The following FARP1 variants were observed in gnomAD, a reference collection of about 807,000 sequenced individuals.
FARP1 encodes the protein FERM, ARHGEF and pleckstrin domain-containing protein 1.
A neutral mutation model predicts 128.8 loss-of-function variants in FARP1; 52 were observed. That is an observed-to-expected ratio of 0.40 (90% CI 0.32 to 0.51). The LOEUF is 0.51. FARP1 is among the 20% of genes least tolerant of loss of function. The pLI is 0.45. For synonymous variants in FARP1, 580 were observed against 551.8 expected (o/e 1.05, Z -0.72); for missense variants, 1,333 against 1,367.9 (o/e 0.97, Z 0.40).
At chr13:98,309,097 T>C (rs1375260964) in intron 2 of FARP1, among the ~76,000 whole-genome samples, 1 of 150,768 alleles carries the variant, frequency 6.6e-6, no homozygotes, top group East Asian at 1.9e-4. Flanking sequence ...GTTAAAGTGA[T>C]AATATTTTGG....
rs914225060 is a variant in FARP1 at position 98,244,253 on chromosome 13, C to G, written c.171+30840C>G. ...TTCCCAGCAAACACCCTTTCTACCC[C>G]ACTTCCTAGCTTTATTGAGATATAT... On this transcript the variant is annotated intron_variant, in intron 2 of 26. Transcript: ENST00000319562. Among the ~76,000 whole-genome samples, 4 of 151,758 alleles carry G rather than the reference C, an allele frequency of 2.6e-5. No homozygotes were observed. The East Asian group carries it at 7.7e-4, about 29-fold the overall frequency.
chr13:98,281,778 A>C (rs1884947714), intron 2 of FARP1, among the ~76,000 whole-genome samples: 1 of 152,168 alleles, frequency 6.6e-6, no homozygotes. Context: ...TATTCCAAGA[A>C]TTATCTGGTA....
intron 2 of FARP1, among the ~76,000 whole-genome samples, chr13:98,303,662 A>G (rs915007867): frequency 9.2e-5 from 14 of 152,312 alleles, no homozygotes; most frequent in Non-Finnish European, 1.9e-4. Flanking sequence ...AAATGGCTTC[A>G]TGGCTTGTGT....
At chr13:98,151,065 G>A (rs146299438) in intron 1 of FARP1, among the ~76,000 whole-genome samples, 5 of 119,150 alleles carry the variant, frequency 4.2e-5, no homozygotes, top group Non-Finnish European at 8.2e-5. Flanking sequence ...GGTCTTAAAC[G>A]GTGTGCTGTT....
intron 1 of FARP1, among the ~76,000 whole-genome samples, chr13:98,163,214 A>T (rs1430580246): frequency 6.6e-6 from 1 of 152,212 alleles, no homozygotes; most frequent in Non-Finnish European, 1.5e-5. Flanking sequence ...AAACTAACGC[A>T]GGAACAGAAA....
At chr13:98,229,839 T>G (rs1882014335) in intron 2 of FARP1, among the ~76,000 whole-genome samples, 2 of 152,338 alleles carry the variant, frequency 1.3e-5, no homozygotes, top group South Asian at 4.1e-4. Flanking sequence ...CCATGGGGCT[T>G]GCAGTATCTC....
chr13:98,169,701 A>G (rs1402488265), intron 1 of FARP1, among the ~76,000 whole-genome samples: 1 of 152,186 alleles, frequency 6.6e-6, no homozygotes, highest in African/African-American at 2.4e-5. Context: ...CATATTTTGG[A>G]TATGATTTAA....
intron 1 of FARP1, among the ~76,000 whole-genome samples, chr13:98,164,952 T>C (rs1323705770): frequency 3.3e-5 from 5 of 151,886 alleles, no homozygotes; most frequent in African/African-American, 1.2e-4. Flanking sequence ...TGTTGGTGCA[T>C]GACTGTAATC....
At chr13:98,277,257 GT>G (rs1884706537) in intron 2 of FARP1, among the ~76,000 whole-genome samples, 1 of 151,980 alleles carries the variant, frequency 6.6e-6, no homozygotes, top group Non-Finnish European at 1.5e-5. Context: ...GGCTCAAGTG[GT>G]CCTCTGGCCA....
At chr13:98,279,429 C>A (rs1387929237) in intron 2 of FARP1, among the ~76,000 whole-genome samples, 2 of 152,126 alleles carry the variant, frequency 1.3e-5, no homozygotes, top group East Asian at 3.8e-4. Context: ...GAAACAAATT[C>A]CACACATATT....
At chr13:98,153,325 A>ATATATTTATATATAAAATATATAAATAAT (rs1260808786) in intron 1 of FARP1, among the ~76,000 whole-genome samples, 1 of 10,714 alleles carries the variant, frequency 9.3e-5, no homozygotes, top group Non-Finnish European at 3.7e-4. Context: ...ATATATAAAT[A>ATATATTTATATATAAAATATATAAATAAT]ATATAATATA....
At chr13:98,360,120 G>A (rs1443151350) in intron 3 of FARP1, among the ~76,000 whole-genome samples, 1 of 116,792 alleles carries the variant, frequency 8.6e-6, no homozygotes, top group Non-Finnish European at 1.7e-5. Flanking sequence ...TTTTTGAGAT[G>A]GAGTCTCCTC....
intron 2 of FARP1, among the ~76,000 whole-genome samples, chr13:98,326,785 A>G (rs990907144): frequency 6.6e-6 from 1 of 152,220 alleles, no homozygotes; most frequent in Admixed American, 6.5e-5. Flanking sequence ...TTTTAAAACT[A>G]GATCATTTTG....
chr13:98,389,926 A>G (rs762430612), intron 9 of FARP1, 31 bp from the exon 10 acceptor site: 9 of 1,610,462 alleles, frequency 5.6e-6, no homozygotes, highest in African/African-American at 1.3e-5. Flanking sequence ...TGGGTAATGG[A>G]AAAAACCACC....
intron 26 of FARP1, 178 bp from the exon 27 acceptor site, chr13:98,448,058 G>A (rs1892966485): frequency 1.6e-6 from 1 of 628,120 alleles, no homozygotes; most frequent in Non-Finnish European, 2.9e-6. Flanking sequence ...AGGCCAGTGG[G>A]TCTCCACTGT....
chr13:98,328,193 A>C (rs957585273), intron 2 of FARP1: 1 of 152,138 alleles, frequency 6.6e-6, no homozygotes, highest in African/African-American at 2.4e-5. Flanking sequence ...TCCTAGGTGG[A>C]ATCTTTGGAA....
At chr13:98,146,402 GT>G (rs1399654662) in intron 1 of FARP1, among the ~76,000 whole-genome samples, 1 of 152,094 alleles carries the variant, frequency 6.6e-6, no homozygotes, top group East Asian at 1.9e-4. Flanking sequence ...CTAATTTTCT[GT>G]TTTTAGTAGA....
intron 2 of FARP1, among the ~76,000 whole-genome samples, chr13:98,327,829 T>C (rs2139813694): frequency 6.6e-6 from 1 of 152,286 alleles, no homozygotes. Flanking sequence ...TCTGACAGGC[T>C]AGGAAGCATA....
chr13:98,348,495 C>T (rs1299459373), intron 3 of FARP1, among the ~76,000 whole-genome samples: 8 of 152,238 alleles, frequency 5.3e-5, no homozygotes, highest in Admixed American at 5.2e-4. Context: ...TCGAAACGGA[C>T]TTTGCAGGAT....
Sources: gnomAD v4.1 joint callset for allele counts (sites outside exome capture counted in the v4.1 genomes callset) on GRCh38, gnomAD v4.1.1 for gene constraint, MANE v1.5 for transcripts, NCBI Gene and HGNC (gene_info 2026-07-23, HGNC 2026-07-21) for gene names.